PTPRD: variants seen among roughly 807,000 people sequenced by gnomAD.
The protein encoded by PTPRD is protein tyrosine phosphatase receptor type D.
PTPRD carries 34 observed loss-of-function variants against 214.5 expected under a neutral mutation model. The ratio of observed to expected loss-of-function variants is 0.16; its 90% CI spans 0.12 to 0.21. The LOEUF (loss-of-function observed/expected upper bound fraction) is 0.21, where lower values mean the gene tolerates loss of function less well. PTPRD is among the 10% of genes least tolerant of loss of function. PTPRD has a pLI of 1.00. For synonymous variants in PTPRD, 1,128 were observed against 845.7 expected, an observed-to-expected ratio of 1.33 and a Z score of -5.79; for missense variants, 2,545 against 2,398.7, an observed-to-expected ratio of 1.06 and a Z score of -1.27.
chr9:8,497,356 A>T, intron 25 of PTPRD, 88 bp from the exon 26 acceptor site: 1 of 1,143,528 alleles, frequency 8.7e-7, no homozygotes, highest in South Asian at 1.7e-5. Context: ...CCCTTGTTAG[A>T]TTAAAAAAAT....
In PTPRD at chr9:8,549,313, A is replaced by G. The variant is rs373846779; in HGVS notation, c.353-20534T>C. ...TTCTAGCCTCTTAGTTCCTTCGTGA[A>G]TGATGGTAGGTCAGCAGGCAGGGAT... On this transcript the variant is annotated intron_variant, in intron 14 of 45. Transcript: ENST00000381196. 2.6e-4 allele frequency among the ~76,000 whole-genome samples: 40 copies of G among 152,272 alleles called. 1 individual carries two copies. The East Asian group carries it at 6.0e-3, about 23-fold the overall frequency.
intron 14 of PTPRD, among the ~76,000 whole-genome samples, chr9:8,629,762 G>A (rs558674579): frequency 5.3e-5 from 8 of 151,760 alleles, no homozygotes; most frequent in African/African-American, 1.7e-4. Flanking sequence ...AAAATGACTT[G>A]GAAGACATAA....
chr9:9,576,873 T>C (rs1006799039), intron 7 of PTPRD, among the ~76,000 whole-genome samples: 1 of 152,180 alleles, frequency 6.6e-6, no homozygotes, highest in African/African-American at 2.4e-5. Context: ...CAATATCAAA[T>C]TGACACTTTT....
chr9:8,620,245 C>A (rs1308267905), intron 14 of PTPRD, among the ~76,000 whole-genome samples: 2 of 151,908 alleles, frequency 1.3e-5, no homozygotes, highest in Non-Finnish European at 2.9e-5. Context: ...ATCATTTGCT[C>A]ATTGAGAAAA....
chr9:9,956,949 G>A (rs1226018759), intron 4 of PTPRD, among the ~76,000 whole-genome samples: 1 of 152,066 alleles, frequency 6.6e-6, no homozygotes, highest in East Asian at 1.9e-4. Flanking sequence ...ATAGGTGGTA[G>A]CAAAAAAAAT....
At chr9:9,835,960 T>G (rs558821670) in intron 5 of PTPRD, among the ~76,000 whole-genome samples, 49 of 152,288 alleles carry the variant, frequency 3.2e-4, no homozygotes, top group African/African-American at 1.1e-3. Context: ...GAAATTACTC[T>G]TATAGAATTA....
intron 12 of PTPRD, among the ~76,000 whole-genome samples, chr9:8,676,634 C>T (rs905793995): frequency 2.0e-5 from 3 of 151,770 alleles, no homozygotes; most frequent in Non-Finnish European, 2.9e-5. Context: ...AGTGCAATGG[C>T]GCGATCTCGG....
intron 11 of PTPRD, among the ~76,000 whole-genome samples, chr9:8,818,084 G>T (rs190357043): frequency 6.6e-6 from 1 of 152,202 alleles, no homozygotes; most frequent in East Asian, 1.9e-4. Context: ...AATTTCAATT[G>T]AACTACAATT....
intron 14 of PTPRD, among the ~76,000 whole-genome samples, chr9:8,578,597 T>C (rs916907779): frequency 6.6e-5 from 10 of 152,152 alleles, no homozygotes; most frequent in African/African-American, 2.4e-4. Context: ...AGCTATGACA[T>C]AGATGGGGCT....
In PTPRD at chr9:8,885,883, G is replaced by A. The variant is rs138355951; in HGVS notation, c.-104+132814C>T. Among the ~76,000 whole-genome samples the A allele has an allele frequency of 4.3e-4, 66 of 152,208 alleles. 1 individual carries two copies. The East Asian group carries it at 0.012, about 28-fold the overall frequency. On this transcript the variant is annotated intron_variant, in intron 11 of 45. Coordinates refer to ENST00000381196, the MANE Select transcript of PTPRD (RefSeq NM_002839.4). ...GAACATAGAGAACATTTTATTTCTA[G>A]AGCCAAATTATTTCCACGCGCTTAA... is the stretch of plus-strand genomic sequence containing the variant.
intron 8 of PTPRD, among the ~76,000 whole-genome samples, chr9:9,536,742 A>G (rs1569569094): frequency 6.6e-6 from 1 of 152,064 alleles, no homozygotes; most frequent in African/African-American, 2.4e-5. Flanking sequence ...TTTCAAAGTG[A>G]CAGAGCACAG....
chr9:8,569,635 T>C (rs1343939714), intron 14 of PTPRD, among the ~76,000 whole-genome samples: 1 of 152,132 alleles, frequency 6.6e-6, no homozygotes, highest in Non-Finnish European at 1.5e-5. Context: ...ATTTGGCTTA[T>C]CGATTCCTTT....
chr9:9,947,118 A>T (rs76851746), intron 4 of PTPRD, among the ~76,000 whole-genome samples: 3,427 of 149,702 alleles, frequency 0.023, 143 homozygotes, highest in African/African-American at 0.081. Context: ...TGAAAAGTTG[A>T]CACGTCCCTT....
chr9:8,477,847 G>A (rs1293635503), intron 30 of PTPRD, among the ~76,000 whole-genome samples: 1 of 152,176 alleles, frequency 6.6e-6, no homozygotes, highest in Non-Finnish European at 1.5e-5. Context: ...AAACTTATGG[G>A]CACAGAGGCA....
At chr9:9,113,231 C>G (rs903908403) in intron 10 of PTPRD, among the ~76,000 whole-genome samples, 2 of 151,866 alleles carry the variant, frequency 1.3e-5, no homozygotes, top group African/African-American at 4.8e-5. Flanking sequence ...TGCTTCAGCC[C>G]CCCGAGGTGC....
At chr9:8,330,561 C>CAATAGAAAGTAGAAAGCAAA (rs1839261177) in intron 44 of PTPRD, among the ~76,000 whole-genome samples, 1 of 105,018 alleles carries the variant, frequency 9.5e-6, no homozygotes, top group Non-Finnish European at 1.6e-5. Flanking sequence ...TTTAATAACT[C>CAATAGAAAGTAGAAAGCAAA]AATAGAAAGT....
intron 36 of PTPRD, among the ~76,000 whole-genome samples, chr9:8,400,126 A>T (rs967927135): frequency 1.3e-5 from 2 of 152,334 alleles, no homozygotes; most frequent in Non-Finnish European, 2.9e-5. Context: ...AGGGCTTTTA[A>T]AACAAAATGT....
At chr9:8,570,287 T>C (rs868597340) in intron 14 of PTPRD, among the ~76,000 whole-genome samples, 4 of 152,144 alleles carry the variant, frequency 2.6e-5, no homozygotes, top group Non-Finnish European at 5.9e-5. Context: ...TTTGCCACAA[T>C]ACAAATACTT....
At chr9:9,945,205 G>T (rs780895358) in intron 4 of PTPRD, among the ~76,000 whole-genome samples, 1 of 152,106 alleles carries the variant, frequency 6.6e-6, no homozygotes, top group Non-Finnish European at 1.5e-5. Flanking sequence ...AGTGTCAGTT[G>T]TAAGATGCCC....
Sources: gnomAD v4.1 joint callset for allele counts (sites outside exome capture counted in the v4.1 genomes callset) on GRCh38, gnomAD v4.1.1 for gene constraint, MANE v1.5 for transcripts, NCBI Gene and HGNC (gene_info 2026-07-23, HGNC 2026-07-21) for gene names.